LRCH3: variants seen among roughly 807,000 people sequenced by gnomAD.
LRCH3 encodes DISP complex protein LRCH3.
Under a neutral mutation model 104.5 loss-of-function variants are expected in LRCH3, and 68 were observed. The observed-to-expected ratio is 0.65, with a 90% CI of 0.54 to 0.80. The LOEUF (loss-of-function observed/expected upper bound fraction) is 0.80. Among genes scored for constraint, LRCH3 ranks in the 30% least tolerant of loss-of-function variants. The pLI is 0.00. For missense variants in LRCH3, 951 were observed against 953.9 expected (o/e 1.00, Z 0.04); for synonymous variants, 344 against 361.3 (o/e 0.95, Z 0.54).
intron 19 of LRCH3, among the ~76,000 whole-genome samples, chr3:197,873,130 T>A (rs949233685): frequency 6.6e-6 from 1 of 152,178 alleles, no homozygotes; most frequent in African/African-American, 2.4e-5. Context: ...GAACAGGCTT[T>A]GGGTTGACAC....
At chr3:197,877,412 C>T (rs1199244255) in intron 20 of LRCH3, among the ~76,000 whole-genome samples, 6 of 21,036 alleles carry the variant, frequency 2.9e-4, no homozygotes, top group Non-Finnish European at 3.5e-4. Flanking sequence ...GTTCACCGCA[C>T]CCATGGCAGT....
chr3:197,806,769 C>G (rs1732531215), intron 1 of LRCH3, among the ~76,000 whole-genome samples: 1 of 150,438 alleles, frequency 6.6e-6, no homozygotes, highest in South Asian at 2.1e-4. Context: ...CCAGGCTGCC[C>G]TTGAACTCCT....
chr3:197,810,603 CG>C lies in LRCH3; in HGVS notation c.263-4302del, dbSNP rs1733015101. On this transcript the variant is annotated intron_variant, in intron 1 of 20. Transcript: ENST00000425562. This position sits in a 1 kb window ranked among gnomAD's most constrained non-coding sequence, Gnocchi z 4.0. Reference sequence around the variant, plus strand: ...TTTATCTGTTTTATGTATATTATCTCGGGTTTTTAGTTATAAATTAAAATTT... The same window carrying C: ...TTTATCTGTTTTATGTATATTATCTCGGTTTTTAGTTATAAATTAAAATTT... 6.6e-6 allele frequency among the ~76,000 whole-genome samples: 1 copy of C among 151,886 alleles called. No individual in the cohort carries two copies. The highest frequency in any genetic ancestry group is 2.4e-5 in the African/African-American group (1 of 41,328).
intron 14 of LRCH3, among the ~76,000 whole-genome samples, chr3:197,857,107 T>G (rs190782758): frequency 9.4e-4 from 142 of 150,692 alleles, no homozygotes; most frequent in South Asian, 2.3e-3. Context: ...ACTGACATTA[T>G]CTTTGGGCTA....
chr3:197,874,313 A>G (rs763233137), intron 19 of LRCH3, among the ~76,000 whole-genome samples: 16 of 152,132 alleles, frequency 1.1e-4, no homozygotes, highest in Non-Finnish European at 2.2e-4. Flanking sequence ...CAGCAACAGT[A>G]TTAGATCCTC....
chr3:197,829,748 C>A, intron 6 of LRCH3, 75 bp downstream of exon 6: 2 of 1,035,490 alleles, frequency 1.9e-6, no homozygotes, highest in Non-Finnish European at 2.8e-6. Context: ...TTAAATTTGC[C>A]TGAATGTTTG....
intron 4 of LRCH3, among the ~76,000 whole-genome samples, chr3:197,824,791 T>G (rs140799258): frequency 2.0e-5 from 3 of 147,014 alleles, no homozygotes; most frequent in Non-Finnish European, 4.5e-5. Flanking sequence ...AGGCTGGTCT[T>G]GAACTTCTGA....
intron 19 of LRCH3, among the ~76,000 whole-genome samples, chr3:197,872,809 C>T (rs879303148): frequency 6.7e-6 from 1 of 149,056 alleles, no homozygotes; most frequent in South Asian, 2.1e-4. Flanking sequence ...GAGCTGAGAT[C>T]GCACCACTGC....
chr3:197,850,685 A>G, intron 12 of LRCH3: 1 of 1,488,172 alleles, frequency 6.7e-7, no homozygotes, highest in South Asian at 1.1e-5. Context: ...CGTGCAGCAA[A>G]AATTCAGCAC....
At chr3:197,812,580 C>T (rs116517712) in intron 1 of LRCH3, among the ~76,000 whole-genome samples, 3,771 of 126,748 alleles carry the variant, frequency 0.03, 79 homozygotes, top group Admixed American at 0.071. Context: ...GGCGCCATCT[C>T]GGCTCACTGC....
intron 5 of LRCH3, among the ~76,000 whole-genome samples, chr3:197,829,211 A>G (rs1263372844): frequency 6.6e-6 from 1 of 152,220 alleles, no homozygotes. Flanking sequence ...GGATTCCTAA[A>G]AGTAAAAGTT....
intron 20 of LRCH3, among the ~76,000 whole-genome samples, chr3:197,878,990 A>G (rs1713233338): frequency 6.6e-6 from 1 of 152,254 alleles, no homozygotes; most frequent in South Asian, 2.1e-4. Flanking sequence ...TTCTCTGTGT[A>G]ACTTTTAAAG....
chr3:197,869,850 C>T (rs186634633), intron 17 of LRCH3, among the ~76,000 whole-genome samples: 9 of 146,528 alleles, frequency 6.1e-5, no homozygotes, highest in South Asian at 2.2e-4. Context: ...AGGTAGAAAG[C>T]GATACACTGT....
intron 15 of LRCH3, among the ~76,000 whole-genome samples, chr3:197,861,669 TATG>T (rs1432837298): frequency 2.0e-5 from 3 of 152,208 alleles, no homozygotes; most frequent in Non-Finnish European, 4.4e-5. Context: ...ACATTATACT[TATG>T]AATTTATTTC....
chr3:197,871,542 G>C, intron 19 of LRCH3, 80 bp downstream of exon 19: 1 of 1,571,552 alleles, frequency 6.4e-7, no homozygotes, highest in Non-Finnish European at 8.7e-7. Context: ...CTTAAGCATT[G>C]TGCTAGATAT....
At chr3:197,795,461 A>G (rs1580513592) in intron 1 of LRCH3, among the ~76,000 whole-genome samples, 1 of 152,068 alleles carries the variant, frequency 6.6e-6, no homozygotes, top group African/African-American at 2.4e-5. Context: ...TTGTTGAACT[A>G]TTGAGAAAGA....
intron 15 of LRCH3, among the ~76,000 whole-genome samples, chr3:197,861,486 A>T (rs944001727): frequency 6.6e-6 from 1 of 152,198 alleles, no homozygotes; most frequent in Non-Finnish European, 1.5e-5. Flanking sequence ...GTCCAGACAG[A>T]CCACAGTGTC....
chr3:197,886,027 C>T lies in LRCH3; in HGVS notation c.*2361C>T, dbSNP rs1303057692. The T allele has an allele frequency of 6.6e-6, 1 of 152,042 alleles. No individual in the cohort carries two copies. Among genetic ancestry groups the T allele is most frequent in the Non-Finnish European group, 1.5e-5 (1 of 68,000 alleles). 9.4% of individuals were successfully genotyped at this position (152,042 alleles called of 1,614,324 possible). A position where few individuals can be genotyped will look rare whatever the true frequency, so the allele number is the denominator to read the frequency against. The stretch of plus-strand genomic sequence containing the variant: ...GAGAAACAAATTCATCAGAACATTA[C>T]CACTTGACCAGGTTTAAAATTGTAT... On this transcript the variant is annotated 3_prime_UTR_variant, in exon 21 of 21. Coordinates refer to ENST00000425562, the MANE Select transcript of LRCH3 (RefSeq NM_001365715.1).
rs192845627 is a variant in LRCH3, at chr3:197,826,915, A to G, written c.678A>G (p.Ser226=). 1.2e-6 allele frequency: 2 copies of G among 1,613,852 alleles called. No homozygotes were observed. Among genetic ancestry groups the G allele is most frequent in the East Asian group, 2.2e-5 (1 of 44,880 alleles). The change falls in exon 5 of 21, where the codon TCA becomes TCG. Residue 226 remains serine, a synonymous_variant. Coordinates refer to ENST00000425562, the MANE Select transcript of LRCH3 (RefSeq NM_001365715.1). ...AELPLIRLDF[S]CNKITTIPVC... is the part of the protein sequence containing the mutation. ...TGCCTTTGATACGGTTAGACTTCTC[A>G]TGCAATAAAATTACCACAATCCCTG...
Sources: allele counts gnomAD v4.1 joint callset (sites outside exome capture counted in the v4.1 genomes callset), GRCh38; gene constraint gnomAD v4.1.1; non-coding constraint Gnocchi (gnomAD v3.1); transcripts MANE v1.5; gene names NCBI Gene and HGNC (gene_info 2026-07-23, HGNC 2026-07-21).